The following ACBD6 variants were observed in gnomAD, a reference collection of about 807,000 sequenced individuals.
The protein encoded by ACBD6 is acyl-CoA binding domain containing 6, also known as acyl-CoA-binding domain-containing protein 6.
A neutral mutation model predicts 37.2 loss-of-function variants in ACBD6; 28 were observed. The ratio of observed to expected loss-of-function variants is 0.75; its 90% CI spans 0.56 to 1.03. The LOEUF (loss-of-function observed/expected upper bound fraction) is 1.03, where lower values mean the gene tolerates loss of function less well. Among genes scored for constraint, ACBD6 ranks in the 50% least tolerant of loss-of-function variants. The pLI, the probability that ACBD6 is intolerant of heterozygous loss-of-function variation, is 0.00. For missense variants in ACBD6, 340 were observed against 337.4 expected (o/e 1.01, Z -0.06); for synonymous variants, 113 against 126.8 (o/e 0.89, Z 0.73).
intron 3 of ACBD6, among the ~76,000 whole-genome samples, chr1:180,444,002 G>T (rs887035601): frequency 6.6e-6 from 1 of 151,818 alleles, no homozygotes; most frequent in African/African-American, 2.4e-5. Context: ...TTTTAGCCAT[G>T]CATCTGGTTT....
intron 6 of ACBD6, among the ~76,000 whole-genome samples, chr1:180,360,599 C>G (rs916625221): frequency 1.3e-5 from 2 of 152,060 alleles, no homozygotes; most frequent in Admixed American, 1.3e-4. Flanking sequence ...ATCTAACATT[C>G]GAGAACCACT....
chr1:180,274,460 C>T (rs1394067774), intron 10 of ACBD6: 2 of 1,614,192 alleles, frequency 1.2e-6, no homozygotes, highest in Middle Eastern at 1.6e-4. Flanking sequence ...AAGCCAGACG[C>T]TGAGAGCCAT....
intron 5 of ACBD6, among the ~76,000 whole-genome samples, chr1:180,412,200 AAC>A (rs1232649788): frequency 6.6e-6 from 1 of 152,108 alleles, no homozygotes; most frequent in Non-Finnish European, 1.5e-5. Context: ...CTTAGTGAAA[AAC>A]ACATAGTATT....
At chr1:180,401,788 G>GAA (rs1243663461) in intron 5 of ACBD6, among the ~76,000 whole-genome samples, 72 of 97,866 alleles carry the variant, frequency 7.4e-4, no homozygotes, top group South Asian at 1.1e-3. Flanking sequence ...ATTCTGTCCA[G>GAA]AAAAAAAAAA....
chr1:180,420,924 C>T (rs935102816), intron 4 of ACBD6, among the ~76,000 whole-genome samples: 2 of 152,136 alleles, frequency 1.3e-5, no homozygotes, highest in Non-Finnish European at 2.9e-5. Flanking sequence ...TAATAAATGT[C>T]CTTTGTGGCA....
intron 6 of ACBD6, among the ~76,000 whole-genome samples, chr1:180,383,079 C>T (rs1653719536): frequency 6.6e-6 from 1 of 152,164 alleles, no homozygotes; most frequent in African/African-American, 2.4e-5. Context: ...GCACAGCTAA[C>T]ATCGTACCAA....
chr1:180,486,164 C>A (rs550472742), intron 3 of ACBD6, among the ~76,000 whole-genome samples: 1 of 152,144 alleles, frequency 6.6e-6, no homozygotes, highest in African/African-American at 2.4e-5. Context: ...GATGAGGTAA[C>A]GTATCTCTAT....
intron 6 of ACBD6, among the ~76,000 whole-genome samples, chr1:180,391,371 C>G (rs1330095035): frequency 6.6e-6 from 1 of 152,096 alleles, no homozygotes; most frequent in Non-Finnish European, 1.5e-5. Context: ...AAACACAATT[C>G]AATGAACTGA....
chr1:180,398,119 A>T (rs1654335513), intron 5 of ACBD6, among the ~76,000 whole-genome samples: 1 of 152,108 alleles, frequency 6.6e-6, no homozygotes, highest in South Asian at 2.1e-4. Context: ...GGAAGCCCCA[A>T]TATCTACTTC....
intron 8 of ACBD6, among the ~76,000 whole-genome samples, chr1:180,281,955 A>G (rs1649327013): frequency 1.3e-5 from 2 of 152,220 alleles, no homozygotes; most frequent in Non-Finnish European, 2.9e-5. Flanking sequence ...GGGCTTCTGC[A>G]TGTAACATCT....
At chr1:180,329,899 T>C (rs940749384) in intron 6 of ACBD6, among the ~76,000 whole-genome samples, 3 of 152,188 alleles carry the variant, frequency 2.0e-5, no homozygotes, top group Non-Finnish European at 4.4e-5. Context: ...CGGACATTTG[T>C]CTAATCCTCC....
chr1:180,448,418 A>G (rs1030527646), intron 3 of ACBD6, among the ~76,000 whole-genome samples: 1 of 151,724 alleles, frequency 6.6e-6, no homozygotes. Flanking sequence ...TTAGATCTCT[A>G]TCTCCCTTTT....
intron 13 of ACBD6, chr1:180,272,577 T>C (rs1271072078): frequency 6.6e-6 from 1 of 152,650 alleles, no homozygotes; most frequent in Non-Finnish European, 1.5e-5. Flanking sequence ...GCATGCACTA[T>C]ATTCAAATTC....
intron 3 of ACBD6, among the ~76,000 whole-genome samples, chr1:180,463,146 AC>A (rs1230253349): frequency 1.3e-5 from 2 of 152,140 alleles, no homozygotes; most frequent in African/African-American, 4.8e-5. Context: ...CAAGTTAACA[AC>A]CTAACAACTA....
chr1:180,351,280 G>GTT (rs34763031), intron 6 of ACBD6, among the ~76,000 whole-genome samples: 2 of 125,218 alleles, frequency 1.6e-5, no homozygotes, highest in African/African-American at 2.9e-5. Context: ...CAGATATTAC[G>GTT]TTTTTTTTTT....
intron 7 of ACBD6, among the ~76,000 whole-genome samples, chr1:180,305,001 G>T (rs2149285970): frequency 6.6e-6 from 1 of 152,258 alleles, no homozygotes; most frequent in South Asian, 2.1e-4. Flanking sequence ...AAGAAATGGG[G>T]AAAGGATTCC....
intron 6 of ACBD6, among the ~76,000 whole-genome samples, chr1:180,374,022 T>G (rs1653349632): frequency 6.6e-6 from 1 of 152,186 alleles, no homozygotes; most frequent in Non-Finnish European, 1.5e-5. Context: ...ACACATAAAC[T>G]CTGCCCTTAA....
chr1:180,431,303 T>A (rs944799980), intron 3 of ACBD6, among the ~76,000 whole-genome samples: 2 of 152,130 alleles, frequency 1.3e-5, no homozygotes, highest in African/African-American at 2.4e-5. Flanking sequence ...TTTGAGGAGA[T>A]GAATCAAGTC....
chr1:180,282,973 T>TTG (rs10591123), intron 8 of ACBD6, among the ~76,000 whole-genome samples: 5 of 6,026 alleles, frequency 8.3e-4, no homozygotes, highest in Non-Finnish European at 1.1e-3. Flanking sequence ...TGTCTTTCTG[T>TTG]TTTTTTTTTT....
Sources: allele counts gnomAD v4.1 joint callset (sites outside exome capture counted in the v4.1 genomes callset), GRCh38; gene constraint gnomAD v4.1.1; transcripts MANE v1.5; gene names NCBI Gene and HGNC (gene_info 2026-07-23, HGNC 2026-07-21).